The following NLGN1 variants were observed in gnomAD, a reference collection of about 807,000 sequenced individuals.
NLGN1 encodes the protein neuroligin 1.
NLGN1 carries 12 observed loss-of-function variants against 65.5 expected under a neutral mutation model. The observed-to-expected ratio is 0.18, with a 90% CI of 0.12 to 0.30. The LOEUF (loss-of-function observed/expected upper bound fraction) is 0.30. Ranked by LOEUF, NLGN1 falls within the 10% of genes least tolerant of loss-of-function variation. The pLI, the probability that NLGN1 is intolerant of heterozygous loss-of-function variation, is 1.00. For synonymous variants in NLGN1, 350 were observed against 359.5 expected (o/e 0.97, Z 0.30); for missense variants, 750 against 1,007.1 (o/e 0.74, Z 3.46).
intron 2 of NLGN1, among the ~76,000 whole-genome samples, chr3:173,528,433 A>G (rs1455230806): frequency 6.6e-6 from 1 of 152,162 alleles, no homozygotes; most frequent in Non-Finnish European, 1.5e-5. Flanking sequence ...TTCATCTAGT[A>G]TAGTAACATC....
At chr3:173,605,226 T>C in intron 3 of NLGN1, 135 bp downstream of exon 2, 1 of 696,772 alleles carries the variant, frequency 1.4e-6, no homozygotes, top group East Asian at 2.8e-5. Flanking sequence ...TTTACATGCG[T>C]GCATGGTGCT....
intron 3 of NLGN1, among the ~76,000 whole-genome samples, chr3:173,712,633 C>T (rs9917623): frequency 0.12 from 18,244 of 151,968 alleles, 1,262 homozygotes; most frequent in African/African-American, 0.2. Context: ...AGTTAATACA[C>T]GGGAAGTGCC....
Position 174,279,621 on chromosome 3 carries a change from G to A in NLGN1, c.1620G>A (p.Met540Ile). Residue 540 changes from methionine (M) to isoleucine (I), a missense_variant, in exon 6 of 7, where the codon ATG (methionine) becomes ATA (isoleucine). Met to Ile is a conservative substitution (Grantham distance 10, BLOSUM62 1). Transcript: ENST00000457714. This position sits in a 1 kb window ranked among gnomAD's most constrained non-coding sequence, Gnocchi z 4.7. The stretch of plus-strand genomic sequence containing the variant: ...ATGTGATGCTGAGTGCAGTTGTAAT[G>A]ACATACTGGACAAATTTTGCTAAAA... 6.2e-7 allele frequency: 1 copy of A among 1,606,940 alleles called. No individual in the cohort carries two copies. Among genetic ancestry groups the A allele is most frequent in the Non-Finnish European group, 8.5e-7 (1 of 1,175,280 alleles).
At position 173,640,706 on chromosome 3, in the gene NLGN1, T is replaced by A. The variant is rs142145228; in HGVS notation, c.493+35615T>A. Among the ~76,000 whole-genome samples the A allele has an allele frequency of 6.2e-4, 95 of 152,326 alleles. 2 individuals carry two copies. The East Asian group carries it at 0.018, about 29-fold the overall frequency. On this transcript the variant is annotated intron_variant, in intron 3 of 6. Coordinates refer to ENST00000457714, the Ensembl canonical transcript of NLGN1. ...AAATTCATGAACCGTCCATTTACTATGTCTTAAATTAGTTGCCCCACATTC... is the reference window on the plus strand; with the variant it reads ...AAATTCATGAACCGTCCATTTACTAAGTCTTAAATTAGTTGCCCCACATTC...
chr3:173,827,849 C>T (rs1199586130), intron 4 of NLGN1, among the ~76,000 whole-genome samples: 2 of 151,928 alleles, frequency 1.3e-5, no homozygotes, highest in East Asian at 3.9e-4. Flanking sequence ...GATGTTCCTG[C>T]TCAAATAGCC....
chr3:173,640,385 A>G (rs1033961118), intron 3 of NLGN1, among the ~76,000 whole-genome samples: 4 of 151,920 alleles, frequency 2.6e-5, no homozygotes, highest in Admixed American at 2.0e-4. Context: ...TAAGTTCATT[A>G]ATTGTTAGTA....
exon 7 of NLGN1, chr3:174,281,104 G>A: frequency 6.2e-7 from 1 of 1,613,312 alleles, no homozygotes; most frequent in South Asian, 1.1e-5. Flanking sequence ...CGGACCGCCT[G>A]TCCCCCAGAT....
intron 4 of NLGN1, among the ~76,000 whole-genome samples, chr3:173,903,872 C>A (rs1737846047): frequency 6.6e-6 from 1 of 152,144 alleles, no homozygotes; most frequent in Non-Finnish European, 1.5e-5. Context: ...TACATCCTTT[C>A]AAATCCTGAT....
chr3:174,197,800 T>C (rs943731439), intron 4 of NLGN1, among the ~76,000 whole-genome samples: 1 of 142,194 alleles, frequency 7.0e-6, no homozygotes, highest in Non-Finnish European at 1.5e-5. Context: ...TAATCTGTCC[T>C]AAAAACTGCT....
chr3:173,433,519 G>A (rs1408491697), intron 1 of NLGN1, among the ~76,000 whole-genome samples: 2 of 151,980 alleles, frequency 1.3e-5, no homozygotes, highest in Non-Finnish European at 2.9e-5. Context: ...AAGGGAAGAG[G>A]GCCTGATCTT....
chr3:174,212,041 G>A (rs894667664), intron 4 of NLGN1, among the ~76,000 whole-genome samples: 1 of 152,164 alleles, frequency 6.6e-6, no homozygotes, highest in Non-Finnish European at 1.5e-5. Context: ...CGCCCGGGAG[G>A]CTCGGGCTGC....
intron 3 of NLGN1, among the ~76,000 whole-genome samples, chr3:173,722,241 C>CTTTTTTTTTTTTTT (rs58327862): frequency 2.0e-5 from 2 of 100,128 alleles, no homozygotes; most frequent in Non-Finnish European, 3.8e-5. Flanking sequence ...TCTTCTTCTT[C>CTTTTTTTTTTTTTT]TTTTTTTTTT....
At chr3:173,971,706 T>G (rs1716272363) in intron 4 of NLGN1, among the ~76,000 whole-genome samples, 1 of 152,088 alleles carries the variant, frequency 6.6e-6, no homozygotes, top group Non-Finnish European at 1.5e-5. Context: ...TTACGTGGGT[T>G]CCTTGCAGTC....
intron 4 of NLGN1, among the ~76,000 whole-genome samples, chr3:173,961,852 A>C (rs976028005): frequency 3.3e-5 from 5 of 152,078 alleles, no homozygotes; most frequent in African/African-American, 1.2e-4. Flanking sequence ...CTTCTACCTT[A>C]AACTTTAACA....
rs1273320279 is a variant in NLGN1, at chr3:173,457,021, A to G, written c.-321+21943A>G. ...CTAACCTATCTCTTCCCATTTTTGC[A>G]TCTTCTAGCATTACTTACTATCAGA... On this transcript the variant is annotated intron_variant, in intron 2 of 6. Transcript: ENST00000457714. Among the ~76,000 whole-genome samples, 6 of 152,226 alleles carry G rather than the reference A, an allele frequency of 3.9e-5. No homozygotes were observed. In the East Asian group the frequency reaches 1.2e-3, roughly 29 times the overall value.
chr3:174,061,880 A>G (rs1355156295), intron 4 of NLGN1, among the ~76,000 whole-genome samples: 1 of 152,138 alleles, frequency 6.6e-6, no homozygotes, highest in South Asian at 2.1e-4. Context: ...AGTTGATTGC[A>G]TGTCTCACAA....
chr3:173,868,319 T>A (rs1363159831), intron 4 of NLGN1, among the ~76,000 whole-genome samples: 1 of 152,162 alleles, frequency 6.6e-6, no homozygotes, highest in Non-Finnish European at 1.5e-5. Flanking sequence ...AATTGTTTTA[T>A]CTATATGTGT....
In NLGN1 at chr3:173,749,503, C is replaced by T. The variant is rs1415974505; in HGVS notation, c.494-58177C>T. On this transcript the variant is annotated intron_variant, in intron 3 of 6. Coordinates refer to ENST00000457714, the Ensembl canonical transcript of NLGN1. Reference sequence around the variant, plus strand: ...TTGGCACTTTGCTGACAAATTTAATCAATCTAGACAAATGGCTTGAATGCC... The same window carrying T: ...TTGGCACTTTGCTGACAAATTTAATTAATCTAGACAAATGGCTTGAATGCC... Among the ~76,000 whole-genome samples, 3 of 152,078 alleles carry T rather than the reference C, an allele frequency of 2.0e-5. No homozygotes were observed. The East Asian group carries it at 5.8e-4, about 30-fold the overall frequency.
At chr3:173,503,629 C>T (rs1420437403) in intron 2 of NLGN1, among the ~76,000 whole-genome samples, 2 of 151,998 alleles carry the variant, frequency 1.3e-5, no homozygotes, top group Non-Finnish European at 2.9e-5. Context: ...CTGTTACAGA[C>T]CAGACATCCC....
Sources: gnomAD v4.1 joint callset for allele counts (sites outside exome capture counted in the v4.1 genomes callset) on GRCh38, gnomAD v4.1.1 for gene constraint, Gnocchi (gnomAD v3.1) non-coding constraint, MANE v1.5 for transcripts, NCBI Gene and HGNC (gene_info 2026-07-23, HGNC 2026-07-21) for gene names.